The following TTC21A variants were observed in gnomAD, a reference collection of about 807,000 sequenced individuals.
TTC21A encodes tetratricopeptide repeat protein 21A.
A neutral mutation model predicts 156.4 loss-of-function variants in TTC21A; 128 were observed. The observed-to-expected ratio is 0.82, with a 90% CI of 0.71 to 0.95. The LOEUF is 0.95. Among genes scored for constraint, TTC21A ranks in the 40% least tolerant of loss-of-function variants. The pLI, the probability that TTC21A is intolerant of heterozygous loss-of-function variation, is 0.00. For synonymous variants in TTC21A, 587 were observed against 617.1 expected, an observed-to-expected ratio of 0.95 and a Z score of 0.72; for missense variants, 1,435 against 1,602.3, an observed-to-expected ratio of 0.90 and a Z score of 1.78.
intron 27 of TTC21A, 30 bp from the exon 28 acceptor site, chr3:39,138,526 C>T: frequency 6.2e-7 from 1 of 1,614,138 alleles, no homozygotes; most frequent in Non-Finnish European, 8.5e-7. Flanking sequence ...ACCAGGGTGC[C>T]ACCATCTTTG....
Position 39,134,228 on chromosome 3 carries a change from A to G in TTC21A, c.2762A>G (p.Glu921Gly). The G allele has an allele frequency of 6.2e-7, 1 of 1,612,492 alleles. No individual in the cohort carries two copies. The highest frequency in any genetic ancestry group is 2.2e-5 in the East Asian group (1 of 44,850). ...YLPTDNKVML[E>G]LAQLYLLQGH... is the part of the protein sequence containing the mutation. Reference sequence around the variant, plus strand: ...CCGGCCTTGTCCCAGGTGATGCTGGAGCTGGCGCAGCTCTACCTGCTCCAG... The same window carrying G: ...CCGGCCTTGTCCCAGGTGATGCTGGGGCTGGCGCAGCTCTACCTGCTCCAG... Residue 921 changes from glutamate (E) to glycine (G), a missense_variant, in exon 21 of 29, where the codon GAG becomes GGG. Glu to Gly is a moderately conservative substitution (Grantham distance 98, BLOSUM62 -2). Coordinates refer to ENST00000683103, the MANE Select transcript of TTC21A (RefSeq NM_001366900.1). This position sits in a 1 kb window ranked among gnomAD's most constrained non-coding sequence, Gnocchi z 4.6.
chr3:39,137,234 C>T lies in TTC21A; in HGVS notation c.3297C>T (p.Ser1099=), dbSNP rs1260386129. The T allele has an allele frequency of 6.2e-7, 1 of 1,613,902 alleles. No individual in the cohort carries two copies. Among genetic ancestry groups the T allele is most frequent in the Non-Finnish European group, 8.5e-7 (1 of 1,179,976 alleles). ...EKKELEQQGV[S]TAEKLLREFY... is the part of the protein sequence containing the mutation. ...AGGAGTTGGAGCAGCAGGGTGTGAG[C>T]ACCGCCGAGAAACTGCTGCGTGAGT... The change falls in exon 25 of 29, where the codon AGC becomes AGT. Residue 1099 remains serine (S), a synonymous_variant. Transcript: ENST00000683103.
At chr3:39,120,935 G>A (rs137892380) in intron 8 of TTC21A, 62 bp from the exon 9 acceptor site, 14,855 of 1,441,654 alleles carry the variant, frequency 0.01, 102 homozygotes, top group Non-Finnish European at 0.012. Flanking sequence ...TTTCTGACAT[G>A]ACCTTGCTCA....
chr3:39,135,048 G>A (rs750868907), intron 21 of TTC21A, 45 bp from the exon 22 acceptor site: 6 of 1,399,354 alleles, frequency 4.3e-6, no homozygotes, highest in South Asian at 1.2e-5. Flanking sequence ...ACCCATGCAA[G>A]CTGCCACTGT....
chr3:39,131,681 T>TCCC (rs2125848262), intron 19 of TTC21A: 1 of 152,854 alleles, frequency 6.5e-6, no homozygotes, highest in African/African-American at 2.4e-5. Flanking sequence ...AGGGGAACTC[T>TCCC]CTAAAGAGTG....
chr3:39,132,968 G>T, intron 19 of TTC21A, 84 bp from the exon 20 acceptor site: 3 of 1,487,934 alleles, frequency 2.0e-6, no homozygotes, highest in South Asian at 1.2e-5. Flanking sequence ...CATACTTCTG[G>T]CTTTGAATTA....
At chr3:39,109,614 G>A (rs978206259) in intron 2 of TTC21A, among the ~76,000 whole-genome samples, 1 of 152,192 alleles carries the variant, frequency 6.6e-6, no homozygotes, top group Non-Finnish European at 1.5e-5. Flanking sequence ...GTGCAGATGG[G>A]CTGACATTCA....
chr3:39,122,339 G>C (rs1575524361), intron 9 of TTC21A, among the ~76,000 whole-genome samples: 1 of 148,212 alleles, frequency 6.7e-6, no homozygotes, highest in South Asian at 2.1e-4. Context: ...AAAAAAAAGA[G>C]TACATAGCAG....
At chr3:39,112,879 G>A (rs2125757161) in intron 5 of TTC21A, among the ~76,000 whole-genome samples, 1 of 152,104 alleles carries the variant, frequency 6.6e-6, no homozygotes, top group Middle Eastern at 3.4e-3. Context: ...CTTTCTCTCT[G>A]CCTCTGTGTT....
At chr3:39,133,872 A>T (rs2038914597) in intron 20 of TTC21A, among the ~76,000 whole-genome samples, 1 of 152,218 alleles carries the variant, frequency 6.6e-6, no homozygotes, top group Non-Finnish European at 1.5e-5. Context: ...CGCTAATGCC[A>T]TGCAATACAT....
At position 39,129,426 on chromosome 3, in the gene TTC21A, T is replaced by G. The variant is rs901767306; in HGVS notation, c.2135+116T>G. On this transcript the variant is annotated intron_variant, in intron 15 of 28. Coordinates refer to ENST00000683103, the MANE Select transcript of TTC21A (RefSeq NM_001366900.1). ...TCCAGAATGTGTCCTTGGAGTGTAG[T>G]TGATGAATGTATGGAATTGTCCATG... 11 of 790,752 alleles carry G rather than the reference T, an allele frequency of 1.4e-5. No homozygotes were observed. In the South Asian group the frequency reaches 1.7e-4, roughly 12 times the overall value. 49.0% of individuals were successfully genotyped at this position (790,752 alleles called of 1,614,324 possible).
At chr3:39,111,158 GT>G (rs1363363221) in intron 4 of TTC21A, 141 bp downstream of exon 4, 4 of 852,982 alleles carry the variant, frequency 4.7e-6, no homozygotes, top group Non-Finnish European at 7.0e-6. Context: ...GGGTCTCACA[GT>G]TGCCCCACGC....
rs1176000818 is a variant in TTC21A at position 39,130,201 on chromosome 3, C to A, written c.2209-47C>A. 6.2e-7 allele frequency: 1 copy of A among 1,609,772 alleles called. No individual in the cohort carries two copies. Among genetic ancestry groups the A allele is most frequent in the South Asian group, 1.1e-5 (1 of 90,682 alleles). On this transcript the variant is annotated intron_variant, in intron 16 of 28. Coordinates refer to ENST00000683103, the MANE Select transcript of TTC21A (RefSeq NM_001366900.1). This position sits in a 1 kb window ranked among gnomAD's most constrained non-coding sequence, Gnocchi z 4.5. ...GCCAAGTGGCCCCCCAGTCTCCCTT[C>A]TCCAGTGGGAGAGAAGAGGAAGACC...
Position 39,131,099 on chromosome 3 carries a change from A to G in TTC21A, c.2562+4A>G. On this transcript the variant is annotated splice_donor_region_variant and intron_variant, in intron 19 of 28. Coordinates refer to ENST00000683103, the MANE Select transcript of TTC21A (RefSeq NM_001366900.1). ...TGTGATAGAAACTTTGAACAAGGTA[A>G]TTGACAGGTGGACTCAAGCTCTTTA... 1 of 1,603,386 alleles carries G rather than the reference A, an allele frequency of 6.2e-7. No homozygotes were observed. Among genetic ancestry groups the G allele is most frequent in the South Asian group, 1.1e-5 (1 of 90,824 alleles).
intron 5 of TTC21A, among the ~76,000 whole-genome samples, chr3:39,113,809 G>A (rs183535050): frequency 6.6e-6 from 1 of 152,384 alleles, no homozygotes. Context: ...GTCCCCTATT[G>A]TTTGGATATT....
At position 39,136,916 on chromosome 3, in the gene TTC21A, A is replaced by G. The variant is rs369762711; in HGVS notation, c.3113A>G (p.Asn1038Ser). The G allele has an allele frequency of 5.0e-6, 8 of 1,613,990 alleles. No individual in the cohort carries two copies. The African/African-American group carries it at 8.0e-5, about 16-fold the overall frequency. ...GIYCWHIGQPNEALKFLNKAR... is the reference protein window; with the variant it reads ...GIYCWHIGQPSEALKFLNKAR... ...CACCACAGGCACATAGGGCAGCCCA[A>G]CGAAGCCTTAAAGTTCCTGAACAAG... Residue 1038 changes from asparagine to serine, a missense_variant, in exon 24 of 29, where the codon AAC becomes AGC. Coordinates refer to ENST00000683103, the MANE Select transcript of TTC21A (RefSeq NM_001366900.1).
At position 39,130,903 on chromosome 3, in the gene TTC21A, T is replaced by C; in HGVS notation, c.2458+64T>C. The C allele has an allele frequency of 6.2e-7, 1 of 1,609,896 alleles. No homozygotes were observed. The highest frequency in any genetic ancestry group is 1.3e-5 in the African/African-American group (1 of 74,964). ...AGACATACTCCTCCCCCATTCCCCA[T>C]TAGCTGAAGTCCTGATCCCAGCGCT... On this transcript the variant is annotated intron_variant, in intron 18 of 28. Coordinates refer to ENST00000683103, the MANE Select transcript of TTC21A (RefSeq NM_001366900.1). This position sits in a 1 kb window ranked among gnomAD's most constrained non-coding sequence, Gnocchi z 4.5.
intron 6 of TTC21A, among the ~76,000 whole-genome samples, chr3:39,116,876 T>C (rs1041282004): frequency 1.2e-4 from 18 of 152,224 alleles, no homozygotes; most frequent in Admixed American, 5.2e-4. Flanking sequence ...TTTTATTTTT[T>C]AATTTTTAAT....
At chr3:39,108,190 T>G (rs1235868588) in intron 1 of TTC21A, 1 of 546,810 alleles carries the variant, frequency 1.8e-6, no homozygotes, top group African/African-American at 1.9e-5. Flanking sequence ...GCTTCACCAT[T>G]TAATCTCCTA....
Sources: allele counts gnomAD v4.1 joint callset (sites outside exome capture counted in the v4.1 genomes callset), GRCh38; gene constraint gnomAD v4.1.1; non-coding constraint Gnocchi (gnomAD v3.1); transcripts MANE v1.5; gene names NCBI Gene and HGNC (gene_info 2026-07-23, HGNC 2026-07-21).